The following ODC1 variants were observed in gnomAD, a reference collection of about 807,000 sequenced individuals.
ODC1 encodes the protein ornithine decarboxylase.
In ODC1, 18 loss-of-function variants were observed where a neutral mutation model predicts 41.5. The ratio of observed to expected loss-of-function variants is 0.43; its 90% confidence interval spans 0.30 to 0.64. The LOEUF is 0.64. Ranked by LOEUF, ODC1 falls within the 30% of genes least tolerant of loss-of-function variation. ODC1 has a pLI of 0.11. For missense variants in ODC1, 504 were observed against 589.0 expected, an observed-to-expected ratio of 0.86 and a Z score of 1.49; for synonymous variants, 218 against 211.6, an observed-to-expected ratio of 1.03 and a Z score of -0.26.
rs201790435 is a variant in ODC1, at chr2:10,443,847, G to A, written c.450-11C>T. On this transcript the variant is annotated splice_polypyrimidine_tract_variant and intron_variant, in intron 5 of 11. Coordinates refer to ENST00000234111, the MANE Select transcript of ODC1 (RefSeq NM_002539.3). ...ATCCGCAAAACCAACCTACAAGCAA[G>A]GAAAGTGCAGCAAATGTCTCATGAT... is the stretch of plus-strand genomic sequence containing the variant. 5.9e-4 allele frequency: 955 copies of A among 1,612,876 alleles called. 8 individuals are homozygous for A. In the Middle Eastern group the frequency reaches 7.6e-3, roughly 13 times the overall value.
At chr2:10,441,228 G>A (rs1450643258) in intron 11 of ODC1, among the ~76,000 whole-genome samples, 1 of 152,170 alleles carries the variant, frequency 6.6e-6, no homozygotes, top group Non-Finnish European at 1.5e-5. Flanking sequence ...GATTTCAGGT[G>A]TGAGCCAGCA....
At chr2:10,443,150 A>T in intron 8 of ODC1, 80 bp downstream of exon 8, 1 of 1,107,188 alleles carries the variant, frequency 9.0e-7, no homozygotes, top group Non-Finnish European at 1.4e-6. Context: ...GGTATTAGTT[A>T]AGACACTTAA....
Position 10,441,823 on chromosome 2 carries a change from C to T in ODC1, c.1020G>A (p.Leu340=), listed in dbSNP as rs1572142356. 6.2e-7 allele frequency: 1 copy of T among 1,614,000 alleles called. No individual in the cohort carries two copies. Among genetic ancestry groups the T allele is most frequent in the Non-Finnish European group, 8.5e-7 (1 of 1,179,902 alleles). ...CAGTATGCTCAGAAATTACCTTTTG[C>T]AGAAGGGGCTTTACATGTGCGTGGT... is the stretch of plus-strand genomic sequence containing the variant. ...LYDHAHVKPL[L]QKRPKPDEKY... Residue 340 remains leucine, a synonymous_variant, in exon 10 of 12, where the codon CTG becomes CTA. Coordinates refer to ENST00000234111, the MANE Select transcript of ODC1 (RefSeq NM_002539.3).
Position 10,441,538 on chromosome 2 carries a change from C to T in ODC1, c.1212G>A (p.Thr404=), listed in dbSNP as rs528902976. The part of the protein sequence containing the change: ...ASTFNGFQRP[T]IYYVMSGPAW... ...CAGGCCCTGACATCACATAGTAGATCGTCGGCCTCTGGAAGCCATTGAACG... is the reference window on the plus strand; with the variant it reads ...CAGGCCCTGACATCACATAGTAGATTGTCGGCCTCTGGAAGCCATTGAACG... The change falls in exon 11 of 12, where the codon ACG becomes ACA. Residue 404 remains threonine, a synonymous_variant. Coordinates refer to ENST00000234111, the MANE Select transcript of ODC1 (RefSeq NM_002539.3). The T allele has an allele frequency of 8.9e-5, 144 of 1,614,086 alleles. 1 individual carries two copies. In the South Asian group the frequency reaches 1.4e-3, roughly 15 times the overall value.
At position 10,440,437 on chromosome 2, in the gene ODC1, G is replaced by C. The variant is rs972820237; in HGVS notation, c.*287C>G. The C allele has an allele frequency of 3.6e-6, 1 of 281,296 alleles. No individual in the cohort carries two copies. Among genetic ancestry groups the C allele is most frequent in the African/African-American group, 2.2e-5 (1 of 45,354 alleles). The allele number at this position is 281,296 out of a possible 1,614,324, so 17.4% of individuals were successfully genotyped here. A position where few individuals can be genotyped will look rare whatever the true frequency, so the allele number is the denominator to read the frequency against. ...AAACAGGTCACAACACTAAGCTTTT[G>C]GCCCATTCTGCCATTGTACAAGCTA... On this transcript the variant is annotated 3_prime_UTR_variant, in exon 12 of 12. Transcript: ENST00000234111.
chr2:10,444,052 T>C (rs1671930191), intron 5 of ODC1, 43 bp downstream of exon 5: 2 of 1,536,100 alleles, frequency 1.3e-6, no homozygotes, highest in Middle Eastern at 1.7e-4. Context: ...AATCCACATA[T>C]CTTATGCTCC....
chr2:10,446,740 C>A, intron 1 of ODC1: 1 of 473,182 alleles, frequency 2.1e-6, no homozygotes, highest in Non-Finnish European at 4.1e-6. Context: ...TCAGTGCCAG[C>A]AGCCTACGGG....
At chr2:10,447,612 T>A (rs539134939) in intron 1 of ODC1, 3 of 152,282 alleles carry the variant, frequency 2.0e-5, no homozygotes, top group African/African-American at 7.2e-5. Flanking sequence ...AGCAAGACTA[T>A]CTTAGCTCTA....
At chr2:10,442,858 C>T (rs1671875865) in intron 8 of ODC1, among the ~76,000 whole-genome samples, 1 of 151,190 alleles carries the variant, frequency 6.6e-6, no homozygotes, top group Non-Finnish European at 1.5e-5. Flanking sequence ...TTACAGGTGC[C>T]CGCCACCACA....
rs763770707 is a variant in ODC1 at position 10,442,160 on chromosome 2, G to A, written c.765C>T (p.Ile255=). Residue 255 remains isoleucine, a synonymous_variant, in exon 9 of 12, where the codon ATC becomes ATT. Transcript: ENST00000234111. ...KLKFEEITGV[I]NPALDKYFPS... ...GAAAGTATTTGTCCAACGCTGGGTT[G>A]ATTACGCCGGTGATCTAAGAGAGTG... is the stretch of plus-strand genomic sequence containing the variant. The A allele has an allele frequency of 1.9e-6, 3 of 1,604,584 alleles. No individual in the cohort carries two copies. The highest frequency in any genetic ancestry group is 2.2e-5 in the South Asian group (2 of 88,982).
rs753193727 is a variant in ODC1 at position 10,440,798 on chromosome 2, G to T, written c.1312C>A (p.Pro438Thr). ...EVEEQDASTL[P>T]VSCAWESGMK... ...CCACTCTCCCAGGCACAAGACACAG[G>T]CAGGGTGCTGGCATCCTGTTCCTCT... The change falls in exon 12 of 12, where the codon CCT becomes ACT. Residue 438 changes from proline to threonine, a missense_variant. Pro to Thr is a conservative substitution (Grantham distance 38, BLOSUM62 -1). Transcript: ENST00000234111. 1.9e-5 allele frequency: 31 copies of T among 1,614,104 alleles called. No homozygotes were observed. The highest frequency in any genetic ancestry group is 2.5e-5 in the Non-Finnish European group (30 of 1,179,996).
intron 7 of ODC1, 42 bp downstream of exon 7, chr2:10,443,448 A>G: frequency 6.3e-7 from 1 of 1,589,474 alleles, no homozygotes; most frequent in Non-Finnish European, 8.6e-7. Flanking sequence ...AGTTATTGTC[A>G]GTTGTGTCCC....
In ODC1 at chr2:10,444,226, C is replaced by T. The variant is rs1363670127; in HGVS notation, c.318G>A (p.Glu106=). ...QLVQSLGVPP[E]RIIYANPCKQ... ...TACAAGGATTTGCATAGATAATCCT[C>T]TCTGGAGGCACCCCCAGACTCTGCA... is the stretch of plus-strand genomic sequence containing the variant. The change falls in exon 5 of 12, where the codon GAG becomes GAA. Residue 106 remains glutamate, a synonymous_variant. Transcript: ENST00000234111. 1.2e-6 allele frequency: 2 copies of T among 1,608,994 alleles called. No homozygotes were observed. The highest frequency in any genetic ancestry group is 3.4e-5 in the Admixed American group (2 of 58,652).
intron 8 of ODC1, 29 bp from the exon 9 acceptor site, chr2:10,442,203 C>T: frequency 6.4e-7 from 1 of 1,572,114 alleles, no homozygotes; most frequent in Non-Finnish European, 8.6e-7. Flanking sequence ...AAAGAAAGAG[C>T]AGCCTTCATT....
chr2:10,443,972 TG>T, intron 5 of ODC1, 122 bp downstream of exon 5: 1 of 1,451,736 alleles, frequency 6.9e-7, no homozygotes, highest in East Asian at 2.3e-5. Flanking sequence ...CATGACTCAA[TG>T]GGGGTTTCAA....
rs762790285 is a variant in ODC1 at position 10,442,077 on chromosome 2, G to C, written c.848C>G (p.Ala283Gly). The change falls in exon 9 of 12, where the codon GCT becomes GGT. Residue 283 changes from alanine (A) to glycine (G), a missense_variant. Coordinates refer to ENST00000234111, the MANE Select transcript of ODC1 (RefSeq NM_002539.3). ...AATGATATTAACTGCAAGCGTGAAA[G>C]CTGATGCAACATAGTATCTGCCGGG... ...AEPGRYYVAS[A>G]FTLAVNIIAK... 1 of 1,614,132 alleles carries C rather than the reference G, an allele frequency of 6.2e-7. No individual in the cohort carries two copies. Among genetic ancestry groups the C allele is most frequent in the Non-Finnish European group, 8.5e-7 (1 of 1,180,006 alleles).
chr2:10,441,661 G>A lies in ODC1; in HGVS notation c.1089C>T (p.Leu363=), dbSNP rs376058087. ...SSIWGPTCDG[L]DRIVERCDLP... ...GGTCACAGCGCTCAACAATCCGATC[G>A]AGGCCATCACATGTTGGTCCCCATA... Residue 363 remains leucine (L), a synonymous_variant, in exon 11 of 12, where the codon CTC becomes CTT. Transcript: ENST00000234111. 13 of 1,614,058 alleles carry A rather than the reference G, an allele frequency of 8.1e-6. No homozygotes were observed. Among genetic ancestry groups the A allele is most frequent in the African/African-American group, 4.0e-5 (3 of 74,892 alleles).
chr2:10,448,095 T>TA (rs2148074584), intron 1 of ODC1, 26 bp downstream of exon 1: 1 of 163,668 alleles, frequency 6.1e-6, no homozygotes, highest in South Asian at 2.0e-4. Context: ...CTCCCTCCCT[T>TA]CCTCCGCGGC....
In ODC1 at chr2:10,441,273, G is replaced by A. The variant is rs1035252181; in HGVS notation, c.1241+236C>T. 1.5e-4 allele frequency among the ~76,000 whole-genome samples: 23 copies of A among 152,220 alleles called. 1 individual carries two copies. The highest frequency in any genetic ancestry group is 2.6e-4 in the African/African-American group (11 of 41,532). On this transcript the variant is annotated intron_variant, in intron 11 of 11. Coordinates refer to ENST00000234111, the MANE Select transcript of ODC1 (RefSeq NM_002539.3). ...AATTCAATGTATTTCTAAAGCAAGC[G>A]TTTCTTCAGTCACCGTTTTGGTAAT... is the stretch of plus-strand genomic sequence containing the variant.
Sources: gnomAD v4.1 joint callset for allele counts (sites outside exome capture counted in the v4.1 genomes callset) on GRCh38, gnomAD v4.1.1 for gene constraint, MANE v1.5 for transcripts, NCBI Gene and HGNC (gene_info 2026-07-23, HGNC 2026-07-21) for gene names.